Variants in JAM3 observed in about 807,000 individuals in gnomAD.
JAM3 encodes the protein junctional adhesion molecule C.
Under a neutral mutation model 39.4 loss-of-function variants are expected in JAM3, and 31 were observed. That is an observed-to-expected ratio of 0.79 (90% CI 0.59 to 1.06). The LOEUF (loss-of-function observed/expected upper bound fraction) is 1.06. JAM3 is among the 50% of genes least tolerant of loss of function. The pLI is 0.00. For missense variants in JAM3, 455 were observed against 391.4 expected, an observed-to-expected ratio of 1.16 and a Z score of -1.37; for synonymous variants, 182 against 148.7, an observed-to-expected ratio of 1.22 and a Z score of -1.63.
At chr11:134,095,966 C>A (rs908881201) in intron 1 of JAM3, among the ~76,000 whole-genome samples, 51 of 152,186 alleles carry the variant, frequency 3.4e-4, no homozygotes, top group Admixed American at 2.8e-3. Context: ...ATGTCAGTTG[C>A]CATGCATTTT....
chr11:134,136,404 C>T (rs1282669340), intron 1 of JAM3, among the ~76,000 whole-genome samples: 1 of 152,178 alleles, frequency 6.6e-6, no homozygotes, highest in Non-Finnish European at 1.5e-5. Context: ...GATGTCTTCA[C>T]GTGTTAGATT....
intron 1 of JAM3, among the ~76,000 whole-genome samples, chr11:134,085,505 A>G (rs1347302660): frequency 6.6e-6 from 1 of 152,144 alleles, no homozygotes; most frequent in Non-Finnish European, 1.5e-5. Context: ...AAAATTTGTA[A>G]TATTTTTGTG....
At chr11:134,132,714 G>A (rs1031086368) in intron 1 of JAM3, among the ~76,000 whole-genome samples, 2 of 152,158 alleles carry the variant, frequency 1.3e-5, no homozygotes, top group Admixed American at 6.5e-5. Flanking sequence ...TATGCCAGGA[G>A]TATGGGGGGA....
chr11:134,139,154 T>C (rs79356675), intron 1 of JAM3, among the ~76,000 whole-genome samples: 7,249 of 152,338 alleles, frequency 0.048, 646 homozygotes, highest in African/African-American at 0.16. Flanking sequence ...TAAACAGGTT[T>C]CTGATGTTTG....
intron 1 of JAM3, among the ~76,000 whole-genome samples, chr11:134,079,652 A>G (rs1227607826): frequency 1.3e-5 from 2 of 152,208 alleles, no homozygotes. Context: ...AAATCACTTG[A>G]AAGTAATTTA....
intron 1 of JAM3, among the ~76,000 whole-genome samples, chr11:134,085,748 C>A (rs762040508): frequency 6.6e-6 from 1 of 152,180 alleles, no homozygotes; most frequent in Non-Finnish European, 1.5e-5. Context: ...GGAAGCTTGT[C>A]TTCTGTGTAG....
At chr11:134,120,474 G>A (rs1213388820) in intron 1 of JAM3, among the ~76,000 whole-genome samples, 1 of 152,204 alleles carries the variant, frequency 6.6e-6, no homozygotes, top group Non-Finnish European at 1.5e-5. Context: ...TTACTGTAAT[G>A]AGTATAAACC....
chr11:134,117,997 C>T (rs1942469247), intron 1 of JAM3, among the ~76,000 whole-genome samples: 2 of 152,134 alleles, frequency 1.3e-5, no homozygotes, highest in South Asian at 2.1e-4. Context: ...GCACACATTC[C>T]TCTCTTGGAA....
rs1943143258 is a variant in JAM3 at position 134,149,188 on chromosome 11, C to T, written c.*7C>T. 3 of 1,614,010 alleles carry T rather than the reference C, an allele frequency of 1.9e-6. No homozygotes were observed. Among genetic ancestry groups the T allele is most frequent in the Non-Finnish European group, 2.5e-6 (3 of 1,179,870 alleles). On this transcript the variant is annotated 3_prime_UTR_variant, in exon 9 of 9. Transcript: ENST00000299106. ...GTCATCGTTTGTGATCTGAGACCCG[C>T]GGTGTGGCTGAGAGCGCACAGAGCG...
chr11:134,111,190 C>A (rs1942302739), intron 1 of JAM3, among the ~76,000 whole-genome samples: 1 of 131,568 alleles, frequency 7.6e-6, no homozygotes, highest in Admixed American at 8.8e-5. Flanking sequence ...GTCGCCCAGG[C>A]TCGAGTGCAG....
chr11:134,139,415 G>A (rs1942931668), intron 1 of JAM3, among the ~76,000 whole-genome samples: 1 of 152,236 alleles, frequency 6.6e-6, no homozygotes, highest in African/African-American at 2.4e-5. Context: ...CCGAAGGGAA[G>A]AGTTCCAGCC....
chr11:134,069,574 C>G (rs1941454630), intron 1 of JAM3, among the ~76,000 whole-genome samples: 2 of 151,776 alleles, frequency 1.3e-5, no homozygotes, highest in Admixed American at 6.5e-5. Context: ...GTGGGCTCCT[C>G]CCAGGCGGGG....
rs1943172896 is a variant in JAM3 at position 134,150,190 on chromosome 11, C to T, written c.*1009C>T. The T allele has an allele frequency of 6.5e-6, 1 of 152,806 alleles. No individual in the cohort carries two copies. The highest frequency in any genetic ancestry group is 2.4e-5 in the African/African-American group (1 of 41,406). The allele number at this position is 152,806 out of a possible 1,614,324, so 9.5% of individuals were successfully genotyped here. A position where few individuals can be genotyped will look rare whatever the true frequency, so the allele number is the denominator to read the frequency against. On this transcript the variant is annotated 3_prime_UTR_variant, in exon 9 of 9. Coordinates refer to ENST00000299106, the MANE Select transcript of JAM3 (RefSeq NM_032801.5). ...TTTTTCACAAGGGAACTCATACTGTCTACACATCAGACCATAGTTGCTTAG... is the reference window on the plus strand; with the variant it reads ...TTTTTCACAAGGGAACTCATACTGTTTACACATCAGACCATAGTTGCTTAG...
chr11:134,085,530 T>A (rs1054721209), intron 1 of JAM3, among the ~76,000 whole-genome samples: 3 of 152,248 alleles, frequency 2.0e-5, no homozygotes, highest in Non-Finnish European at 2.9e-5. Context: ...CTGTTCTCAT[T>A]CTTAACAAAC....
chr11:134,132,303 A>G (rs981736720), intron 1 of JAM3, among the ~76,000 whole-genome samples: 7 of 152,226 alleles, frequency 4.6e-5, no homozygotes, highest in African/African-American at 1.7e-4. Flanking sequence ...AAACAATTGT[A>G]AAACACAAAT....
At chr11:134,134,920 G>A (rs2120832532) in intron 1 of JAM3, among the ~76,000 whole-genome samples, 1 of 152,092 alleles carries the variant, frequency 6.6e-6, no homozygotes, top group Admixed American at 6.5e-5. Context: ...ATATATATAT[G>A]CTTTGTACAT....
intron 1 of JAM3, among the ~76,000 whole-genome samples, chr11:134,080,711 A>G (rs1157393106): frequency 1.3e-5 from 2 of 152,172 alleles, no homozygotes; most frequent in South Asian, 2.1e-4. Flanking sequence ...TATCAGCAGC[A>G]TGAAAATAGA....
At chr11:134,074,308 G>A (rs1225951975) in intron 1 of JAM3, among the ~76,000 whole-genome samples, 1 of 152,122 alleles carries the variant, frequency 6.6e-6, no homozygotes, top group Non-Finnish European at 1.5e-5. Context: ...CTTTGATGAG[G>A]ATATTTTTTG....
chr11:134,134,955 C>T (rs1388228995), intron 1 of JAM3, among the ~76,000 whole-genome samples: 1 of 152,090 alleles, frequency 6.6e-6, no homozygotes, highest in East Asian at 1.9e-4. Flanking sequence ...TGTATGTTGT[C>T]TTTTCACTTT....
Sources: gnomAD v4.1 joint callset for allele counts (sites outside exome capture counted in the v4.1 genomes callset) on GRCh38, gnomAD v4.1.1 for gene constraint, MANE v1.5 for transcripts, NCBI Gene and HGNC (gene_info 2026-07-23, HGNC 2026-07-21) for gene names.